Variants in DNAAF5 observed in about 807,000 individuals in gnomAD.
The protein encoded by DNAAF5 is dynein axonemal assembly factor 5.
Under a neutral mutation model 75.8 loss-of-function variants are expected in DNAAF5, and 64 were observed. The observed-to-expected ratio is 0.84, with a 90% CI of 0.69 to 1.04. The LOEUF (loss-of-function observed/expected upper bound fraction) is 1.04. Among genes scored for constraint, DNAAF5 ranks in the 50% least tolerant of loss-of-function variants. DNAAF5 has a pLI of 0.00. For missense variants in DNAAF5, 1,269 were observed against 1,178.5 expected (o/e 1.08, Z -1.12); for synonymous variants, 657 against 557.2 (o/e 1.18, Z -2.52).
At chr7:785,317 G>A (rs893130336) in intron 12 of DNAAF5, among the ~76,000 whole-genome samples, 200 bp from the exon 13 acceptor site, 2 of 151,076 alleles carry the variant, frequency 1.3e-5, no homozygotes, top group African/African-American at 2.5e-5. Context: ...ATCCAGCAGC[G>A]TCAGGTCATT....
intron 5 of DNAAF5, among the ~76,000 whole-genome samples, chr7:756,181 T>C (rs924429181): frequency 3.8e-4 from 56 of 147,862 alleles, no homozygotes; most frequent in Non-Finnish European, 7.8e-4. Flanking sequence ...GAGGGGCTGG[T>C]GTGTGTGTGA....
intron 6 of DNAAF5, among the ~76,000 whole-genome samples, chr7:758,585 A>AT (rs1782556089): frequency 6.6e-6 from 1 of 152,046 alleles, no homozygotes; most frequent in South Asian, 2.1e-4. Flanking sequence ...TCTTGTTTTT[A>AT]TTTTTTTGTT....
chr7:775,176 G>T lies in DNAAF5; in HGVS notation c.2239+14G>T. 2 of 1,613,388 alleles carry T rather than the reference G, an allele frequency of 1.2e-6. No individual in the cohort carries two copies. Among genetic ancestry groups the T allele is most frequent in the Non-Finnish European group, 1.7e-6 (2 of 1,179,450 alleles). ...GGATTTATCCTGGTAGGACATTTCTGTTGTTCACAGCCTGTGTATATGCAG... is the reference window on the plus strand; with the variant it reads ...GGATTTATCCTGGTAGGACATTTCTTTTGTTCACAGCCTGTGTATATGCAG... On this transcript the variant is annotated intron_variant, in intron 11 of 12. Coordinates refer to ENST00000297440, the MANE Select transcript of DNAAF5 (RefSeq NM_017802.4).
At chr7:758,143 A>G (rs1782545506) in intron 6 of DNAAF5, among the ~76,000 whole-genome samples, 1 of 152,228 alleles carries the variant, frequency 6.6e-6, no homozygotes, top group African/African-American at 2.4e-5. Context: ...TTAACACATC[A>G]TCGAATGTGT....
rs992749617 is a variant in DNAAF5 at position 757,524 on chromosome 7, G to A, written c.1470+530G>A. Among the ~76,000 whole-genome samples the A allele has an allele frequency of 5.9e-5, 9 of 152,356 alleles. No homozygotes were observed. In the South Asian group the frequency reaches 6.2e-4, roughly 11 times the overall value. ...CTGTTCCCCATCAGCCCTGCCTGGCGTTCCGATCTGTGCTTCTCACAGCCC... is the reference window on the plus strand; with the variant it reads ...CTGTTCCCCATCAGCCCTGCCTGGCATTCCGATCTGTGCTTCTCACAGCCC... On this transcript the variant is annotated intron_variant, in intron 6 of 12. Coordinates refer to ENST00000297440, the MANE Select transcript of DNAAF5 (RefSeq NM_017802.4).
Position 780,098 on chromosome 7 carries a change from G to A in DNAAF5, c.2385G>A (p.Leu795=), listed in dbSNP as rs112210659. 6.2e-7 allele frequency: 1 copy of A among 1,614,056 alleles called. No homozygotes were observed. The change falls in exon 12 of 13, where the codon CTG becomes CTA. Residue 795 remains leucine (L), a synonymous_variant. Coordinates refer to ENST00000297440, the MANE Select transcript of DNAAF5 (RefSeq NM_017802.4). The stretch of plus-strand genomic sequence containing the variant: ...TCCAGTACCTGTACCGAGAGTTGCT[G>A]GTTCACCTTGACGATCCAGAGAGGG... ...SSVQYLYREL[L]VHLDDPERAI...
In DNAAF5 at chr7:775,050, C is replaced by T. The variant is rs1414022078; in HGVS notation, c.2127C>T (p.Thr709=). The part of the protein sequence containing the change: ...QETLMPQVLT[T]LEEDSKMTRL... Reference sequence around the variant, plus strand: ...CACTGATGCCCCAGGTCCTGACCACCCTGGAGGAGGATTCGAAGATGACGC... The same window carrying T: ...CACTGATGCCCCAGGTCCTGACCACTCTGGAGGAGGATTCGAAGATGACGC... Residue 709 remains threonine (T), a synonymous_variant, in exon 11 of 13, where the codon ACC becomes ACT. Coordinates refer to ENST00000297440, the MANE Select transcript of DNAAF5 (RefSeq NM_017802.4). 3 of 1,613,974 alleles carry T rather than the reference C, an allele frequency of 1.9e-6. No individual in the cohort carries two copies. The highest frequency in any genetic ancestry group is 1.7e-4 in the Middle Eastern group (1 of 6,060).
At chr7:745,275 A>G (rs1427963070) in intron 4 of DNAAF5, among the ~76,000 whole-genome samples, 3 of 152,186 alleles carry the variant, frequency 2.0e-5, no homozygotes, top group Admixed American at 2.0e-4. Flanking sequence ...TCAGTGGGGC[A>G]GGAATGGCAG....
chr7:784,946 T>G (rs563614248), intron 12 of DNAAF5, among the ~76,000 whole-genome samples: 2 of 152,014 alleles, frequency 1.3e-5, no homozygotes, highest in African/African-American at 4.8e-5. Flanking sequence ...GTTCCTCATA[T>G]TCACATAGTG....
intron 5 of DNAAF5, 110 bp from the exon 6 acceptor site, chr7:756,672 G>A: frequency 1.1e-6 from 1 of 934,838 alleles, no homozygotes; most frequent in Non-Finnish European, 1.7e-6. Flanking sequence ...GCCTAACACG[G>A]GGCTCTGTCT....
At chr7:773,971 C>T in intron 9 of DNAAF5, 77 bp from the exon 10 acceptor site, 3 of 1,547,012 alleles carry the variant, frequency 1.9e-6, no homozygotes, top group South Asian at 2.2e-5. Context: ...CCCTCAGCCC[C>T]ATTCATCCCT....
chr7:742,207 C>T (rs1163929245), intron 4 of DNAAF5, among the ~76,000 whole-genome samples: 1 of 152,222 alleles, frequency 6.6e-6, no homozygotes, highest in Admixed American at 6.5e-5. Flanking sequence ...GCTTTCATCA[C>T]TTGAGTCTAT....
chr7:740,895 T>C lies in DNAAF5; in HGVS notation c.857T>C (p.Leu286Pro). 1.9e-6 allele frequency: 3 copies of C among 1,613,984 alleles called. No individual in the cohort carries two copies. The highest frequency in any genetic ancestry group is 2.5e-6 in the Non-Finnish European group (3 of 1,180,030). ...GACCGTTACTCCTTCTTCCACAAGCTCATCCCTCTGCTGCTCAGTAGCCTC... is the reference window on the plus strand; with the variant it reads ...GACCGTTACTCCTTCTTCCACAAGCCCATCCCTCTGCTGCTCAGTAGCCTC... ...LRDRYSFFHK[L>P]IPLLLSSLND... is the part of the protein sequence containing the mutation. Residue 286 changes from leucine to proline, a missense_variant, in exon 3 of 13, where the codon CTC (leucine) becomes CCC (proline). By Grantham distance (98) the Leu-to-Pro change is moderately conservative. Transcript: ENST00000297440.
intron 4 of DNAAF5, among the ~76,000 whole-genome samples, chr7:753,543 A>G (rs1460019753): frequency 6.6e-6 from 1 of 152,114 alleles, no homozygotes; most frequent in African/African-American, 2.4e-5. Context: ...TGTCTCTCAT[A>G]TGGCGATGGC....
chr7:730,895 C>G (rs1781542745), intron 2 of DNAAF5, among the ~76,000 whole-genome samples: 1 of 152,228 alleles, frequency 6.6e-6, no homozygotes. Flanking sequence ...GGGTTCGGCA[C>G]CAGGCAGCAC....
chr7:728,096 C>T (rs1367624254), intron 1 of DNAAF5, among the ~76,000 whole-genome samples: 1 of 152,174 alleles, frequency 6.6e-6, no homozygotes, highest in Non-Finnish European at 1.5e-5. Flanking sequence ...CGCTTCTCCC[C>T]TCCACTTTAT....
At position 728,099 on chromosome 7, in the gene DNAAF5, C is replaced by T. The variant is rs139430360; in HGVS notation, c.595+784C>T. Among the ~76,000 whole-genome samples the T allele has an allele frequency of 1.6e-3, 250 of 152,290 alleles. 1 individual carries two copies. The highest frequency in any genetic ancestry group is 5.5e-3 in the African/African-American group (229 of 41,556). ...GTGGAAGGAGGCCGCTTCTCCCCTCCACTTTATAACGTTCCCCATCTTTTT... is the reference window on the plus strand; with the variant it reads ...GTGGAAGGAGGCCGCTTCTCCCCTCTACTTTATAACGTTCCCCATCTTTTT... On this transcript the variant is annotated intron_variant, in intron 1 of 12. Coordinates refer to ENST00000297440, the MANE Select transcript of DNAAF5 (RefSeq NM_017802.4).
In DNAAF5 at chr7:775,201, G is replaced by A. The variant is rs371358252; in HGVS notation, c.2239+39G>A. The A allele has an allele frequency of 6.3e-6, 10 of 1,597,436 alleles. No homozygotes were observed. In the African/African-American group the frequency reaches 6.7e-5, roughly 11 times the overall value. Reference sequence around the variant, plus strand: ...GTTGTTCACAGCCTGTGTATATGCAGTCAGCCCTCCGTGTCCCTGGGTTCC... The same window carrying A: ...GTTGTTCACAGCCTGTGTATATGCAATCAGCCCTCCGTGTCCCTGGGTTCC... On this transcript the variant is annotated intron_variant, in intron 11 of 12. Coordinates refer to ENST00000297440, the MANE Select transcript of DNAAF5 (RefSeq NM_017802.4).
At position 726,935 on chromosome 7, in the gene DNAAF5, C is replaced by T. The variant is rs2128538232; in HGVS notation, c.215C>T (p.Pro72Leu). The change falls in exon 1 of 13, where the codon CCC becomes CTC. Residue 72 changes from proline to leucine, a missense_variant. By Grantham distance (98) the Pro-to-Leu change is moderately conservative. Transcript: ENST00000297440. ...GCCGACCCCACCGCTTTCCAGGGCC[C>T]CTGGGCGCGCCTACTGCTGCCGCGC... is the stretch of plus-strand genomic sequence containing the variant. ...PAADPTAFQGPWARLLLPRLL... is the reference protein window; with the variant it reads ...PAADPTAFQGLWARLLLPRLL... 1 of 1,340,972 alleles carries T rather than the reference C, an allele frequency of 7.5e-7. No individual in the cohort carries two copies. The highest frequency in any genetic ancestry group is 9.6e-7 in the Non-Finnish European group (1 of 1,042,924). 83.1% of individuals were successfully genotyped at this position (1,340,972 alleles called of 1,614,324 possible). A position where few individuals can be genotyped will look rare whatever the true frequency, so the allele number is the denominator to read the frequency against.
Sources: gnomAD v4.1 joint callset for allele counts (sites outside exome capture counted in the v4.1 genomes callset) on GRCh38, gnomAD v4.1.1 for gene constraint, MANE v1.5 for transcripts, NCBI Gene and HGNC (gene_info 2026-07-23, HGNC 2026-07-21) for gene names.